The following KDM4C variants were observed in gnomAD, a reference collection of about 807,000 sequenced individuals.
KDM4C encodes the protein lysine-specific demethylase 4C.
KDM4C carries 81 observed loss-of-function variants against 129.3 expected under a neutral mutation model. The ratio of observed to expected loss-of-function variants is 0.63; its 90% CI spans 0.52 to 0.75. KDM4C has a LOEUF of 0.75. KDM4C is among the 30% of genes least tolerant of loss of function. KDM4C has a pLI of 0.00. For missense variants in KDM4C, 1,457 were observed against 1,304.0 expected (o/e 1.12, Z -1.81); for synonymous variants, 573 against 456.1 (o/e 1.26, Z -3.26).
chr9:6,764,190 A>G (rs1054851152), intron 1 of KDM4C, among the ~76,000 whole-genome samples: 1 of 152,248 alleles, frequency 6.6e-6, no homozygotes, highest in Non-Finnish European at 1.5e-5. Context: ...GAATGGTAGG[A>G]GTACTTACAA....
chr9:6,752,644 A>G (rs1818111232), intron 1 of KDM4C, among the ~76,000 whole-genome samples: 1 of 151,926 alleles, frequency 6.6e-6, no homozygotes, highest in Non-Finnish European at 1.5e-5. Flanking sequence ...TCCTGACCTC[A>G]GGAGATCCGT....
At chr9:6,903,724 G>T (rs1817797426) in intron 8 of KDM4C, among the ~76,000 whole-genome samples, 1 of 152,022 alleles carries the variant, frequency 6.6e-6, no homozygotes, top group South Asian at 2.1e-4. Context: ...AATCACTATG[G>T]CTAATAATAT....
At chr9:6,869,526 T>A (rs549326886) in intron 5 of KDM4C, among the ~76,000 whole-genome samples, 8 of 152,242 alleles carry the variant, frequency 5.3e-5, no homozygotes, top group Non-Finnish European at 1.0e-4. Context: ...GGAATAATAC[T>A]GCTCACAGTG....
At chr9:6,725,687 C>CTTTCT (rs141556812) in intron 1 of KDM4C, among the ~76,000 whole-genome samples, 23 of 137,814 alleles carry the variant, frequency 1.7e-4, no homozygotes, top group South Asian at 4.7e-4. Flanking sequence ...GATTGGGTTT[C>CTTTCT]TTTCTTTTCT....
intron 8 of KDM4C, among the ~76,000 whole-genome samples, chr9:6,957,483 A>G (rs1022824934): frequency 5.9e-5 from 9 of 152,140 alleles, no homozygotes; most frequent in African/African-American, 1.7e-4. Flanking sequence ...GAGCTTGTTA[A>G]TACCACCATG....
At chr9:6,826,280 C>T (rs1833854623) in intron 4 of KDM4C, among the ~76,000 whole-genome samples, 1 of 150,832 alleles carries the variant, frequency 6.6e-6, no homozygotes, top group South Asian at 2.1e-4. Context: ...GTATAAATTA[C>T]ACCACTTTAA....
At position 7,011,842 on chromosome 9, in the gene KDM4C, A is replaced by G. The variant is rs1314815104; in HGVS notation, c.1931A>G (p.His644Arg). 3.1e-6 allele frequency: 5 copies of G among 1,613,914 alleles called. No individual in the cohort carries two copies. In the Admixed American group the frequency reaches 5.0e-5, roughly 16 times the overall value. Residue 644 changes from histidine to arginine, a missense_variant, in exon 13 of 22, where the codon CAC becomes CGC. His to Arg is a conservative substitution (Grantham distance 29). Coordinates refer to ENST00000381309, the MANE Select transcript of KDM4C (RefSeq NM_015061.6). ...YNATVARMKP[H>R]CAICTLLMPY... ...GCAACAGTGGCCAGGATGAAGCCAC[A>G]CTGTGCCATCTGCACTCTGCTCATG...
rs1844836361 is a variant in KDM4C, at chr9:7,170,361, A to G, written c.2994+471A>G. On this transcript the variant is annotated intron_variant, in intron 21 of 21. Transcript: ENST00000381309. ...TCAGAAAGTTACTGATGTTTGTGTCAGTTCATCATTAAGCTAAACTCTGAC... is the reference window on the plus strand; with the variant it reads ...TCAGAAAGTTACTGATGTTTGTGTCGGTTCATCATTAAGCTAAACTCTGAC... 5 of 1,011,436 alleles carry G rather than the reference A, an allele frequency of 4.9e-6. No homozygotes were observed. In the South Asian group the frequency reaches 1.6e-4, roughly 33 times the overall value. 62.7% of individuals were successfully genotyped at this position (1,011,436 alleles called of 1,614,324 possible). A position where few individuals can be genotyped will look rare whatever the true frequency, so the allele number is the denominator to read the frequency against.
At chr9:6,879,980 C>T (rs775314017) in intron 5 of KDM4C, 32 bp from the exon 6 acceptor site, 3 of 1,299,168 alleles carry the variant, frequency 2.3e-6, no homozygotes, top group South Asian at 2.7e-5. Flanking sequence ...AAATTATAAA[C>T]CTAAAATTTT....
intron 1 of KDM4C, among the ~76,000 whole-genome samples, chr9:6,782,774 T>G (rs920858423): frequency 2.0e-5 from 3 of 152,152 alleles, no homozygotes; most frequent in African/African-American, 4.8e-5. Context: ...CATCATCAGT[T>G]TTGTGTCTAG....
intron 20 of KDM4C, among the ~76,000 whole-genome samples, chr9:7,168,438 T>G: frequency 6.6e-6 from 1 of 152,238 alleles, no homozygotes. Context: ...TTAGTTCATG[T>G]TGTATTAAAC....
At chr9:6,857,738 C>G (rs150095456) in intron 5 of KDM4C, among the ~76,000 whole-genome samples, 63 of 151,202 alleles carry the variant, frequency 4.2e-4, no homozygotes, top group African/African-American at 1.4e-3. Flanking sequence ...AATAGTTTTC[C>G]AGAGTAGCCA....
chr9:7,135,468 A>G (rs1280846007), intron 19 of KDM4C, among the ~76,000 whole-genome samples: 5 of 152,170 alleles, frequency 3.3e-5, no homozygotes, highest in African/African-American at 1.2e-4. Flanking sequence ...CAGTGTTATT[A>G]ATTTCCAGGA....
intron 8 of KDM4C, among the ~76,000 whole-genome samples, chr9:6,935,648 AT>A (rs1824649306): frequency 6.6e-6 from 1 of 151,026 alleles, no homozygotes; most frequent in Admixed American, 6.6e-5. Flanking sequence ...TCATTGTAAT[AT>A]TTCATAACCA....
At chr9:6,835,182 CG>C in intron 4 of KDM4C, 1 of 938,686 alleles carries the variant, frequency 1.1e-6, no homozygotes, top group South Asian at 1.3e-5. Context: ...AGCTGACTGA[CG>C]GCCAGGTCAT....
chr9:6,904,504 A>G (rs1035469304), intron 8 of KDM4C, among the ~76,000 whole-genome samples: 4 of 152,004 alleles, frequency 2.6e-5, no homozygotes, highest in African/African-American at 9.7e-5. Flanking sequence ...GAAAATGAAC[A>G]CCTTAGCTCA....
chr9:6,910,569 C>T (rs1819107094), intron 8 of KDM4C, among the ~76,000 whole-genome samples: 1 of 152,110 alleles, frequency 6.6e-6, no homozygotes, highest in African/African-American at 2.4e-5. Flanking sequence ...GAGGTTAGTG[C>T]CATTTCTCAC....
intron 1 of KDM4C, among the ~76,000 whole-genome samples, chr9:6,787,275 C>A (rs1825684281): frequency 6.6e-6 from 1 of 152,224 alleles, no homozygotes; most frequent in Non-Finnish European, 1.5e-5. Flanking sequence ...ATCTGTTGCC[C>A]AGGCTAGAGT....
chr9:7,148,129 C>T (rs891966394), intron 19 of KDM4C, among the ~76,000 whole-genome samples: 8 of 152,352 alleles, frequency 5.3e-5, no homozygotes, highest in East Asian at 1.9e-4. Context: ...ACCAGATATA[C>T]GACAAGCAGC....
Sources: gnomAD v4.1 joint callset for allele counts (sites outside exome capture counted in the v4.1 genomes callset) on GRCh38, gnomAD v4.1.1 for gene constraint, MANE v1.5 for transcripts, NCBI Gene and HGNC (gene_info 2026-07-23, HGNC 2026-07-21) for gene names.